EIF2A: variants seen among roughly 807,000 people sequenced by gnomAD.
The protein encoded by EIF2A is 65 kDa eukaryotic translation initiation factor 2A.
A neutral mutation model predicts 75.2 loss-of-function variants in EIF2A; 62 were observed. That is an observed-to-expected ratio of 0.82 (90% CI 0.67 to 1.02). The LOEUF is 1.02. Among genes scored for constraint, EIF2A ranks in the 50% least tolerant of loss-of-function variants. The probability of loss-of-function intolerance (pLI) is 0.00; values close to 1 mark genes in which losing one functional copy is unlikely to be tolerated. For synonymous variants in EIF2A, 207 were observed against 239.0 expected (o/e 0.87, Z 1.23); for missense variants, 611 against 677.7 (o/e 0.90, Z 1.09).
At chr3:150,555,641 C>T (rs968712145) in intron 2 of EIF2A, among the ~76,000 whole-genome samples, 4 of 151,220 alleles carry the variant, frequency 2.6e-5, no homozygotes, top group Non-Finnish European at 5.9e-5. Context: ...GTAATCCCAG[C>T]GCTTTGGGAG....
At chr3:150,559,278 G>A (rs1280497542) in intron 3 of EIF2A, among the ~76,000 whole-genome samples, 1 of 152,178 alleles carries the variant, frequency 6.6e-6, no homozygotes, top group Non-Finnish European at 1.5e-5. Flanking sequence ...AGAACATGTT[G>A]AATTAGTTGA....
At chr3:150,559,187 A>G (rs1723720284) in intron 3 of EIF2A, among the ~76,000 whole-genome samples, 2 of 152,232 alleles carry the variant, frequency 1.3e-5, no homozygotes, top group South Asian at 4.1e-4. Context: ...AATTTTAAAC[A>G]TTGTTCTTTA....
intron 2 of EIF2A, among the ~76,000 whole-genome samples, chr3:150,553,395 C>G (rs1197055355): frequency 6.6e-6 from 1 of 151,544 alleles, no homozygotes; most frequent in African/African-American, 2.4e-5. Flanking sequence ...GTGGCATAAC[C>G]ATGTGAAGAC....
chr3:150,583,430 T>C (rs1181511464), intron 13 of EIF2A, among the ~76,000 whole-genome samples, 165 bp downstream of exon 13: 1 of 152,248 alleles, frequency 6.6e-6, no homozygotes, highest in Non-Finnish European at 1.5e-5. Flanking sequence ...ATAGCTTTAC[T>C]CTTAAATAGA....
chr3:150,581,551 T>C, intron 11 of EIF2A, 67 bp from the exon 12 acceptor site: 2 of 1,509,744 alleles, frequency 1.3e-6, no homozygotes, highest in Non-Finnish European at 1.8e-6. Flanking sequence ...ATGCCAAAGC[T>C]ATGTTGATTT....
intron 13 of EIF2A, 76 bp downstream of exon 13, chr3:150,583,341 C>T (rs186009174): frequency 7.2e-7 from 1 of 1,395,424 alleles, no homozygotes; most frequent in East Asian, 2.4e-5. Flanking sequence ...AGTATTTAGT[C>T]AGGTAAAAGA....
intron 9 of EIF2A, among the ~76,000 whole-genome samples, chr3:150,570,680 A>G (rs1192252257): frequency 6.6e-6 from 1 of 152,182 alleles, no homozygotes; most frequent in Non-Finnish European, 1.5e-5. Context: ...CAAGATAGAC[A>G]TTTTCACTTA....
At chr3:150,582,048 C>T (rs1380184895) in intron 12 of EIF2A, among the ~76,000 whole-genome samples, 5 of 151,958 alleles carry the variant, frequency 3.3e-5, no homozygotes, top group South Asian at 2.1e-4. Context: ...TTGCCCAGGC[C>T]GGAGTACAGT....
At chr3:150,553,207 A>C (rs1559874009) in intron 2 of EIF2A, among the ~76,000 whole-genome samples, 1 of 150,734 alleles carries the variant, frequency 6.6e-6, no homozygotes, top group African/African-American at 2.4e-5. Flanking sequence ...AATCCCAGCT[A>C]CTCTACTCGG....
Position 150,575,660 on chromosome 3 carries a change from A to G in EIF2A, c.1395A>G (p.Glu465=), listed in dbSNP as rs748938887. ...TACATTTTCCATAGCATGAAGAGGA[A>G]CCACCTCAGAATATGAAACCACAAT... ...PITNSKLHEE[E]PPQNMKPQSG... The change falls in exon 11 of 14, where the codon GAA becomes GAG. Residue 465 remains glutamate (E), a synonymous_variant. Coordinates refer to ENST00000460851, the MANE Select transcript of EIF2A (RefSeq NM_032025.5). The G allele has an allele frequency of 6.2e-7, 1 of 1,608,062 alleles. No homozygotes were observed. The highest frequency in any genetic ancestry group is 2.2e-5 in the East Asian group (1 of 44,760).
At chr3:150,565,644 G>A (rs939446188) in intron 6 of EIF2A, among the ~76,000 whole-genome samples, 1 of 152,016 alleles carries the variant, frequency 6.6e-6, no homozygotes, top group East Asian at 1.9e-4. Context: ...CTGCAATCTC[G>A]ACTTCCTGGG....
rs1725358175 is a variant in EIF2A at position 150,584,347 on chromosome 3, A to G, written c.*436A>G. 1 of 152,652 alleles carries G rather than the reference A, an allele frequency of 6.6e-6. No homozygotes were observed. Among genetic ancestry groups the G allele is most frequent in the African/African-American group, 2.4e-5 (1 of 41,466 alleles). 9.5% of individuals were successfully genotyped at this position (152,652 alleles called of 1,614,324 possible). A position where few individuals can be genotyped will look rare whatever the true frequency, so the allele number is the denominator to read the frequency against. On this transcript the variant is annotated 3_prime_UTR_variant, in exon 14 of 14. Coordinates refer to ENST00000460851, the MANE Select transcript of EIF2A (RefSeq NM_032025.5). Reference sequence around the variant, plus strand: ...AAGACTCTATGAAGTAATTCTTTTAATCTCTATTTTATAAATGAAAAAACT... The same window carrying G: ...AAGACTCTATGAAGTAATTCTTTTAGTCTCTATTTTATAAATGAAAAAACT...
intron 6 of EIF2A, chr3:150,566,490 T>C (rs892199128): frequency 1.3e-5 from 2 of 152,232 alleles, no homozygotes; most frequent in African/African-American, 4.8e-5. Flanking sequence ...GCTGTTGCAT[T>C]GATCATTGTT....
intron 9 of EIF2A, among the ~76,000 whole-genome samples, chr3:150,570,710 A>C (rs1046866881): frequency 6.6e-5 from 10 of 152,196 alleles, no homozygotes; most frequent in African/African-American, 2.4e-4. Context: ...TGAAGATAAA[A>C]ATATGAAACT....
At chr3:150,552,716 A>G (rs1723375711) in intron 2 of EIF2A, 1 of 211,938 alleles carries the variant, frequency 4.7e-6, no homozygotes, top group Admixed American at 5.7e-5. Context: ...GTTGTATCTT[A>G]AGGAATGAGA....
chr3:150,563,643 T>C (rs1167597593), intron 5 of EIF2A, 29 bp downstream of exon 5: 1 of 1,423,830 alleles, frequency 7.0e-7, no homozygotes, highest in African/African-American at 1.5e-5. Flanking sequence ...ATACTAATTT[T>C]TTACATAGTA....
intron 4 of EIF2A, 94 bp from the exon 5 acceptor site, chr3:150,563,421 T>C: frequency 1.0e-6 from 1 of 964,748 alleles, no homozygotes; most frequent in Non-Finnish European, 1.5e-6. Context: ...TTAACCCATT[T>C]GATAGTAATC....
At chr3:150,554,117 A>C (rs781134150) in intron 2 of EIF2A, among the ~76,000 whole-genome samples, 1 of 152,236 alleles carries the variant, frequency 6.6e-6, no homozygotes, top group African/African-American at 2.4e-5. Context: ...AAAGGGTCGT[A>C]GGAAGCAACT....
chr3:150,576,203 G>A (rs1301107618), intron 11 of EIF2A, among the ~76,000 whole-genome samples: 1 of 152,182 alleles, frequency 6.6e-6, no homozygotes, highest in Non-Finnish European at 1.5e-5. Flanking sequence ...CACTTTGGGA[G>A]GCCAACGTGG....
Sources: gnomAD v4.1 joint callset for allele counts (sites outside exome capture counted in the v4.1 genomes callset) on GRCh38, gnomAD v4.1.1 for gene constraint, MANE v1.5 for transcripts, NCBI Gene and HGNC (gene_info 2026-07-23, HGNC 2026-07-21) for gene names.